Variants in NAV2 observed in about 807,000 individuals in gnomAD.
NAV2 encodes the protein helicase, APC down-regulated 1.
NAV2 carries 54 observed loss-of-function variants against 223.2 expected under a neutral mutation model. The ratio of observed to expected loss-of-function variants is 0.24; its 90% CI spans 0.19 to 0.30. NAV2 has a LOEUF of 0.30. NAV2 is among the 10% of genes least tolerant of loss of function. NAV2 has a pLI of 1.00. For missense variants in NAV2, 2,806 were observed against 3,147.5 expected (o/e 0.89, Z 2.60); for synonymous variants, 1,279 against 1,239.3 (o/e 1.03, Z -0.67).
At chr11:19,526,949 A>G (rs1565017466) in intron 1 of NAV2, among the ~76,000 whole-genome samples, 1 of 152,108 alleles carries the variant, frequency 6.6e-6, no homozygotes, top group East Asian at 1.9e-4. Flanking sequence ...AGGACATCCT[A>G]GGTCCCTGGG....
intron 1 of NAV2, among the ~76,000 whole-genome samples, chr11:19,401,551 T>A (rs1328108409): frequency 6.6e-6 from 1 of 152,186 alleles, no homozygotes. Context: ...TATGTCTGGA[T>A]CTTCAATGTA....
At position 20,120,580 on chromosome 11, in the gene NAV2, A is replaced by G. The variant is rs933286328; in HGVS notation, c.*2322A>G. On this transcript the variant is annotated 3_prime_UTR_variant, in exon 38 of 38. Transcript: ENST00000349880. Reference sequence around the variant, plus strand: ...TCACCTTGTGAGTAGACACCTGCCAATATTGTTTGAAACCTTTTTTTAATA... The same window carrying G: ...TCACCTTGTGAGTAGACACCTGCCAGTATTGTTTGAAACCTTTTTTTAATA... 3 of 152,556 alleles carry G rather than the reference A, an allele frequency of 2.0e-5. No individual in the cohort carries two copies. The highest frequency in any genetic ancestry group is 2.9e-5 in the Non-Finnish European group (2 of 68,022). The allele number at this position is 152,556 out of a possible 1,614,324, so 9.5% of individuals were successfully genotyped here. A position where few individuals can be genotyped will look rare whatever the true frequency, so the allele number is the denominator to read the frequency against.
At chr11:19,595,314 C>A (rs1046751799) in intron 1 of NAV2, among the ~76,000 whole-genome samples, 2 of 152,162 alleles carry the variant, frequency 1.3e-5, no homozygotes, top group African/African-American at 2.4e-5. Flanking sequence ...TTGGCACATA[C>A]AAGGAACTGA....
At chr11:19,558,765 G>T (rs960047389) in intron 1 of NAV2, among the ~76,000 whole-genome samples, 19 of 152,192 alleles carry the variant, frequency 1.2e-4, no homozygotes, top group African/African-American at 2.4e-5. Flanking sequence ...CAGGCTGGGG[G>T]CTCGGATGTT....
At chr11:20,045,725 A>G in intron 14 of NAV2, 55 bp downstream of exon 14, 3 of 1,418,800 alleles carry the variant, frequency 2.1e-6, no homozygotes, top group Non-Finnish European at 2.9e-6. Context: ...GAATGGATTT[A>G]GTAATTTCCT....
At chr11:19,707,661 TAGTAC>T (rs1161060497) in intron 1 of NAV2, among the ~76,000 whole-genome samples, 4 of 152,324 alleles carry the variant, frequency 2.6e-5, no homozygotes, top group Admixed American at 2.6e-4. Context: ...TAACAATGAA[TAGTAC>T]AGTAAATACA....
intron 1 of NAV2, among the ~76,000 whole-genome samples, chr11:19,813,151 G>A (rs1340533583): frequency 6.6e-6 from 1 of 152,126 alleles, no homozygotes; most frequent in African/African-American, 2.4e-5. Context: ...GCCTTTTAGA[G>A]AAATGTAAGG....
At chr11:19,586,213 A>G (rs1442128084) in intron 1 of NAV2, among the ~76,000 whole-genome samples, 2 of 152,036 alleles carry the variant, frequency 1.3e-5, no homozygotes. Flanking sequence ...TTCTTGTGCC[A>G]TGGTTTTCAG....
At chr11:19,655,733 G>T (rs2048105086) in intron 1 of NAV2, among the ~76,000 whole-genome samples, 1 of 129,664 alleles carries the variant, frequency 7.7e-6, no homozygotes, top group Non-Finnish European at 1.6e-5. Flanking sequence ...CACACACCGG[G>T]GCCTGTTTTG....
intron 1 of NAV2, among the ~76,000 whole-genome samples, chr11:19,791,778 T>C (rs939516683): frequency 1.3e-5 from 2 of 152,150 alleles, no homozygotes; most frequent in Middle Eastern, 3.2e-3. Flanking sequence ...GGGGAAAGCA[T>C]AGGACTTATT....
chr11:19,605,898 C>T (rs181122520), intron 1 of NAV2, among the ~76,000 whole-genome samples: 5 of 152,212 alleles, frequency 3.3e-5, no homozygotes, highest in East Asian at 1.9e-4. Flanking sequence ...CAATGCAACC[C>T]GCTGCTCATC....
chr11:19,526,471 T>C (rs1469402662), intron 1 of NAV2, among the ~76,000 whole-genome samples: 1 of 152,088 alleles, frequency 6.6e-6, no homozygotes, highest in Non-Finnish European at 1.5e-5. Context: ...CAGCCTTGTC[T>C]CGGGGGAATG....
At chr11:20,010,481 G>C (rs1446471798) in intron 11 of NAV2, among the ~76,000 whole-genome samples, 1 of 152,142 alleles carries the variant, frequency 6.6e-6, no homozygotes, top group Non-Finnish European at 1.5e-5. Context: ...AGATGCATTT[G>C]TGAGATAAGC....
chr11:20,064,565 C>CTG (rs988519884), intron 20 of NAV2, among the ~76,000 whole-genome samples: 8 of 152,030 alleles, frequency 5.3e-5, no homozygotes, highest in Non-Finnish European at 1.0e-4. Context: ...GCTTCTCAAC[C>CTG]TGTGTGTCTT....
chr11:19,485,630 A>G (rs1454631184), intron 1 of NAV2, among the ~76,000 whole-genome samples: 1 of 152,192 alleles, frequency 6.6e-6, no homozygotes, highest in African/African-American at 2.4e-5. Flanking sequence ...ATTCCCACCC[A>G]TTAATGCCCA....
intron 1 of NAV2, among the ~76,000 whole-genome samples, chr11:19,792,141 T>C (rs943377290): frequency 6.6e-6 from 1 of 152,216 alleles, no homozygotes; most frequent in Admixed American, 6.5e-5. Flanking sequence ...TAATTAAATT[T>C]AGAGACTGAC....
chr11:19,939,908 TTTC>T (rs202193980), intron 8 of NAV2, 135 bp downstream of exon 8: 9,735 of 413,134 alleles, frequency 0.024, 364 homozygotes, highest in African/African-American at 0.19. Context: ...ACAAACTTTC[TTTC>T]TTTTTTTTTT....
At chr11:19,745,669 G>T (rs1288720780) in intron 1 of NAV2, among the ~76,000 whole-genome samples, 1 of 152,138 alleles carries the variant, frequency 6.6e-6, no homozygotes, top group Non-Finnish European at 1.5e-5. Flanking sequence ...ATGGTTTCGG[G>T]ATGAAACTTT....
At chr11:19,881,512 G>A (rs1351138141) in intron 5 of NAV2, among the ~76,000 whole-genome samples, 1 of 152,128 alleles carries the variant, frequency 6.6e-6, no homozygotes, top group South Asian at 2.1e-4. Flanking sequence ...GCAGTTCTGT[G>A]GGGGGAAAAT....
Sources: allele counts gnomAD v4.1 joint callset (sites outside exome capture counted in the v4.1 genomes callset), GRCh38; gene constraint gnomAD v4.1.1; transcripts MANE v1.5; gene names NCBI Gene and HGNC (gene_info 2026-07-23, HGNC 2026-07-21).